Variants in STAT4 observed in about 807,000 individuals in gnomAD.
The protein encoded by STAT4 is signal transducer and activator of transcription 4.
In STAT4, 42 loss-of-function variants were observed where a neutral mutation model predicts 110.5. The ratio of observed to expected loss-of-function variants is 0.38; its 90% CI spans 0.30 to 0.49. STAT4 has a LOEUF of 0.49. Among genes scored for constraint, STAT4 ranks in the 20% least tolerant of loss-of-function variants. The probability of loss-of-function intolerance (pLI) is 0.95; values close to 1 mark genes in which losing one functional copy is unlikely to be tolerated. For synonymous variants in STAT4, 284 were observed against 302.2 expected, an observed-to-expected ratio of 0.94 and a Z score of 0.63; for missense variants, 632 against 887.9, an observed-to-expected ratio of 0.71 and a Z score of 3.66.
chr2:191,069,594 A>T, intron 6 of STAT4, 99 bp downstream of exon 6: 1 of 900,718 alleles, frequency 1.1e-6, no homozygotes, highest in Non-Finnish European at 1.8e-6. Context: ...AGGCTCACCT[A>T]AGGAAGTAGA....
In STAT4 at chr2:191,107,323, T is replaced by C. The variant is rs73981286; in HGVS notation, c.274-30998A>G. On this transcript the variant is annotated intron_variant, in intron 3 of 23. Coordinates refer to ENST00000392320, the MANE Select transcript of STAT4 (RefSeq NM_003151.4). The surrounding 1 kb of genome is among the most constrained non-coding windows in gnomAD (Gnocchi z 4.2). ...CTTTATTTCTTCCTTACAATTTTCC[T>C]GCCTGTTAACAATCTTAAAGAAAAA... Among the ~76,000 whole-genome samples, 677 of 152,298 alleles carry C rather than the reference T, an allele frequency of 4.4e-3. 7 individuals carry two copies. Among genetic ancestry groups the C allele is most frequent in the African/African-American group, 0.015 (634 of 41,552 alleles).
intron 3 of STAT4, among the ~76,000 whole-genome samples, chr2:191,102,430 A>G (rs777690385): frequency 1.3e-5 from 2 of 152,120 alleles, no homozygotes. Flanking sequence ...ATTACCATTG[A>G]ATTTATTGAA....
chr2:191,031,157 A>G lies in STAT4; in HGVS notation c.2112-77T>C. The G allele has an allele frequency of 7.0e-7, 1 of 1,434,046 alleles. No individual in the cohort carries two copies. Among genetic ancestry groups the G allele is most frequent in the Non-Finnish European group, 9.8e-7 (1 of 1,022,982 alleles). 88.8% of individuals were successfully genotyped at this position (1,434,046 alleles called of 1,614,324 possible). A position where few individuals can be genotyped will look rare whatever the true frequency, so the allele number is the denominator to read the frequency against. ...TTCACGGTGACTTACTATGTCAGGAACTCATTTCTAGGGCTTCATCTATTT... is the reference window on the plus strand; with the variant it reads ...TTCACGGTGACTTACTATGTCAGGAGCTCATTTCTAGGGCTTCATCTATTT... On this transcript the variant is annotated intron_variant, in intron 22 of 23. Transcript: ENST00000392320. The surrounding 1 kb of genome is among the most constrained non-coding windows in gnomAD (Gnocchi z 4.8).
chr2:191,146,105 T>A lies in STAT4; in HGVS notation c.273+508A>T, dbSNP rs1408960395. On this transcript the variant is annotated intron_variant, in intron 3 of 23. Coordinates refer to ENST00000392320, the MANE Select transcript of STAT4 (RefSeq NM_003151.4). This position sits in a 1 kb window ranked among gnomAD's most constrained non-coding sequence, Gnocchi z 4.5. ...TATACTAAATGCCACAGTATCGATG[T>A]GTTCTGGTGCTGAGGAAACACACAG... 6.6e-6 allele frequency among the ~76,000 whole-genome samples: 1 copy of A among 152,206 alleles called. No individual in the cohort carries two copies. Among genetic ancestry groups the A allele is most frequent in the Non-Finnish European group, 1.5e-5 (1 of 68,030 alleles).
chr2:191,139,854 T>C (rs758287647), intron 3 of STAT4, among the ~76,000 whole-genome samples: 2 of 152,172 alleles, frequency 1.3e-5, no homozygotes, highest in African/African-American at 2.4e-5. Flanking sequence ...CTTCAAATTA[T>C]ATTAGAAGGC....
rs1697507571 is a variant in STAT4 at position 191,082,352 on chromosome 2, A to G, written c.274-6027T>C. Among the ~76,000 whole-genome samples, 1 of 152,166 alleles carries G rather than the reference A, an allele frequency of 6.6e-6. No individual in the cohort carries two copies. Among genetic ancestry groups the G allele is most frequent in the Admixed American group, 6.6e-5 (1 of 15,266 alleles). ...TAATAACTATTTGTTTGAATCCTAAATTATAGTGTTATATTTTGATGACAT... is the reference window on the plus strand; with the variant it reads ...TAATAACTATTTGTTTGAATCCTAAGTTATAGTGTTATATTTTGATGACAT... On this transcript the variant is annotated intron_variant, in intron 3 of 23. Transcript: ENST00000392320. The surrounding 1 kb of genome is among the most constrained non-coding windows in gnomAD (Gnocchi z 4.7).
rs60410088 is a variant in STAT4 at position 191,129,716 on chromosome 2, T to C, written c.273+16897A>G. 3.0e-3 allele frequency among the ~76,000 whole-genome samples: 452 copies of C among 152,340 alleles called. 10 individuals carry two copies. The highest frequency in any genetic ancestry group is 0.028 in the South Asian group (136 of 4,832). ...CAAAAATCAGTTCATGTCACTCCCT[T>C]GCTCAAACTCCTCAGTGGCTTCCCA... On this transcript the variant is annotated intron_variant, in intron 3 of 23. Transcript: ENST00000392320.
In STAT4 at chr2:191,060,938, C is replaced by T. The variant is rs937211785; in HGVS notation, c.1034+791G>A. 6.6e-6 allele frequency among the ~76,000 whole-genome samples: 1 copy of T among 152,156 alleles called. No individual in the cohort carries two copies. Among genetic ancestry groups the T allele is most frequent in the African/African-American group, 2.4e-5 (1 of 41,440 alleles). On this transcript the variant is annotated intron_variant, in intron 10 of 23. Transcript: ENST00000392320. The surrounding 1 kb of genome is among the most constrained non-coding windows in gnomAD (Gnocchi z 4.5). ...AAACTGCTCTGTACCATGGCATCAC[C>T]ACCTCTTGACCTGTTAGTCTGTGGT... is the stretch of plus-strand genomic sequence containing the variant.
At chr2:191,088,537 A>T (rs1359951553) in intron 3 of STAT4, among the ~76,000 whole-genome samples, 1 of 152,208 alleles carries the variant, frequency 6.6e-6, no homozygotes, top group African/African-American at 2.4e-5. Flanking sequence ...TTATCTACAG[A>T]TTCCAATCAA....
At position 191,143,085 on chromosome 2, in the gene STAT4, GTA is replaced by G. The variant is rs1301864289; in HGVS notation, c.273+3526_273+3527del. Among the ~76,000 whole-genome samples the G allele has an allele frequency of 6.6e-6, 1 of 152,176 alleles. No homozygotes were observed. Among genetic ancestry groups the G allele is most frequent in the Non-Finnish European group, 1.5e-5 (1 of 68,024 alleles). On this transcript the variant is annotated intron_variant, in intron 3 of 23. Coordinates refer to ENST00000392320, the MANE Select transcript of STAT4 (RefSeq NM_003151.4). The surrounding 1 kb of genome is among the most constrained non-coding windows in gnomAD (Gnocchi z 5.6). ...ACTGGGATGTGGAGCTGGGAAGGAA[GTA>G]TATGAGAACTTCACTTTCTGCTCAA...
At chr2:191,057,891 C>T in intron 13 of STAT4, 127 bp downstream of exon 13, 1 of 858,360 alleles carries the variant, frequency 1.2e-6, no homozygotes, top group South Asian at 1.7e-5. Context: ...AGCCACCGTG[C>T]CCGGCCGGTT....
intron 3 of STAT4, among the ~76,000 whole-genome samples, chr2:191,076,680 CT>C (rs1697327049): frequency 1.3e-5 from 2 of 150,018 alleles, no homozygotes; most frequent in South Asian, 4.2e-4. Flanking sequence ...GAGTTTCAGC[CT>C]GTTGCCCAGG....
chr2:191,102,851 C>CTG (rs34424445), intron 3 of STAT4, among the ~76,000 whole-genome samples: 1,695 of 152,258 alleles, frequency 0.011, 14 homozygotes, highest in Non-Finnish European at 0.019. Context: ...CATCAATTAT[C>CTG]TGTGTGTTGG....
intron 3 of STAT4, among the ~76,000 whole-genome samples, chr2:191,105,871 C>T (rs895624040): frequency 6.6e-6 from 1 of 152,110 alleles, no homozygotes; most frequent in Non-Finnish European, 1.5e-5. Flanking sequence ...TAATTATCCT[C>T]GCCGATGGAT....
chr2:191,105,029 G>A (rs73052524), intron 3 of STAT4, among the ~76,000 whole-genome samples: 3,008 of 152,282 alleles, frequency 0.02, 76 homozygotes, highest in African/African-American at 0.069. Flanking sequence ...CACAGGTTCT[G>A]TGGATAAAAA....
intron 3 of STAT4, among the ~76,000 whole-genome samples, chr2:191,085,431 T>C (rs1237970338): frequency 6.6e-6 from 1 of 151,212 alleles, no homozygotes; most frequent in Non-Finnish European, 1.5e-5. Context: ...AATATTTATA[T>C]TTATATTATA....
At chr2:191,119,703 G>A (rs751533845) in intron 3 of STAT4, among the ~76,000 whole-genome samples, 3 of 152,036 alleles carry the variant, frequency 2.0e-5, no homozygotes, top group Non-Finnish European at 4.4e-5. Flanking sequence ...AAATTCCAAG[G>A]ATCAAGAAAA....
intron 3 of STAT4, among the ~76,000 whole-genome samples, chr2:191,100,504 A>T (rs1698121876): frequency 6.6e-6 from 1 of 151,920 alleles, no homozygotes; most frequent in Admixed American, 6.6e-5. Flanking sequence ...ATTTAAAATG[A>T]CCTTTTCTTT....
At chr2:191,145,484 C>T (rs547480255) in intron 3 of STAT4, among the ~76,000 whole-genome samples, 5 of 152,108 alleles carry the variant, frequency 3.3e-5, no homozygotes, top group South Asian at 4.1e-4. Flanking sequence ...ATAAAGCCAC[C>T]ATTAAATGAT....
Sources: gnomAD v4.1 joint callset for allele counts (sites outside exome capture counted in the v4.1 genomes callset) on GRCh38, gnomAD v4.1.1 for gene constraint, Gnocchi (gnomAD v3.1) non-coding constraint, MANE v1.5 for transcripts, NCBI Gene and HGNC (gene_info 2026-07-23, HGNC 2026-07-21) for gene names.